Variants in SCFD2 observed in about 807,000 individuals in gnomAD.
SCFD2 encodes sec1 family domain-containing protein 2.
SCFD2 carries 54 observed loss-of-function variants against 58.9 expected under a neutral mutation model. That is an observed-to-expected ratio of 0.92 (90% CI 0.74 to 1.15). The LOEUF is 1.15. Ranked by LOEUF, SCFD2 falls within the 50% of genes most tolerant of loss-of-function variation. SCFD2 has a pLI of 0.00. For synonymous variants in SCFD2, 321 were observed against 335.9 expected (o/e 0.96, Z 0.49); for missense variants, 805 against 836.6 (o/e 0.96, Z 0.47).
At chr4:53,160,253 G>A (rs1208192885) in intron 4 of SCFD2, among the ~76,000 whole-genome samples, 6 of 152,134 alleles carry the variant, frequency 3.9e-5, no homozygotes, top group Non-Finnish European at 7.3e-5. Flanking sequence ...GCACAGAACT[G>A]GTATGATCTT....
At chr4:53,159,655 G>T (rs1020580097) in intron 4 of SCFD2, among the ~76,000 whole-genome samples, 18 of 152,176 alleles carry the variant, frequency 1.2e-4, no homozygotes, top group African/African-American at 4.3e-4. Context: ...CTCAGTCAAA[G>T]TTAAAACCTC....
intron 4 of SCFD2, among the ~76,000 whole-genome samples, chr4:53,221,845 TTTC>T (rs1729055696): frequency 2.0e-5 from 3 of 152,174 alleles, no homozygotes; most frequent in African/African-American, 7.2e-5. Flanking sequence ...GCTGGTGACA[TTTC>T]CAGTCCTTGA....
At chr4:52,986,043 T>C (rs1308949032) in intron 5 of SCFD2, among the ~76,000 whole-genome samples, 2 of 152,096 alleles carry the variant, frequency 1.3e-5, no homozygotes, top group African/African-American at 2.4e-5. Context: ...CCTGTCCCCC[T>C]GTGACGTCGC....
intron 4 of SCFD2, among the ~76,000 whole-genome samples, chr4:53,152,818 A>T (rs1262843844): frequency 6.6e-6 from 1 of 152,230 alleles, no homozygotes; most frequent in Non-Finnish European, 1.5e-5. Context: ...TTCCCATTCC[A>T]AAAAGGAGGA....
intron 5 of SCFD2, among the ~76,000 whole-genome samples, chr4:53,132,842 G>A (rs1725827364): frequency 6.6e-6 from 1 of 152,114 alleles, no homozygotes; most frequent in East Asian, 1.9e-4. Context: ...ATTTTTCAAG[G>A]AAAAGATTTT....
chr4:53,274,423 G>A (rs1386124589), intron 3 of SCFD2, among the ~76,000 whole-genome samples: 1 of 152,140 alleles, frequency 6.6e-6, no homozygotes, highest in African/African-American at 2.4e-5. Context: ...GTACCTAAAA[G>A]AAGATGAGAA....
At chr4:52,875,802 C>CTATATATATATA (rs3052566) in intron 8 of SCFD2, among the ~76,000 whole-genome samples, 8 of 61,286 alleles carry the variant, frequency 1.3e-4, no homozygotes, top group Non-Finnish European at 2.3e-4. Context: ...TTATCTTTAA[C>CTATATATATATA]TATATATATA....
At chr4:53,217,190 C>T (rs1290570858) in intron 4 of SCFD2, among the ~76,000 whole-genome samples, 5 of 152,080 alleles carry the variant, frequency 3.3e-5, no homozygotes, top group Admixed American at 1.3e-4. Context: ...AGTTCAATTC[C>T]TGGATATCCT....
At chr4:53,302,814 G>A (rs1295951148) in intron 3 of SCFD2, among the ~76,000 whole-genome samples, 1 of 152,154 alleles carries the variant, frequency 6.6e-6, no homozygotes, top group African/African-American at 2.4e-5. Flanking sequence ...ACAACTATCT[G>A]TTCTTTGACA....
At chr4:52,998,320 T>C (rs181725861) in intron 5 of SCFD2, among the ~76,000 whole-genome samples, 1 of 152,258 alleles carries the variant, frequency 6.6e-6, no homozygotes, top group Admixed American at 6.5e-5. Flanking sequence ...TCGCAGGAGA[T>C]AGAAAATACT....
At chr4:53,139,245 T>C (rs1173070471) in intron 5 of SCFD2, among the ~76,000 whole-genome samples, 8 of 152,166 alleles carry the variant, frequency 5.3e-5, no homozygotes, top group Non-Finnish European at 1.2e-4. Flanking sequence ...GCCGCCTGCC[T>C]TGGCCTCCCA....
chr4:53,329,664 T>C (rs1375260536), intron 2 of SCFD2, among the ~76,000 whole-genome samples: 1 of 152,082 alleles, frequency 6.6e-6, no homozygotes, highest in Non-Finnish European at 1.5e-5. Context: ...ACAGAAAAAG[T>C]AGAAACTCTA....
intron 5 of SCFD2, among the ~76,000 whole-genome samples, chr4:53,117,581 C>G (rs1725360627): frequency 6.6e-6 from 1 of 152,152 alleles, no homozygotes; most frequent in African/African-American, 2.4e-5. Flanking sequence ...CTCTCGCCAC[C>G]TCCTTCCCAT....
At chr4:53,216,384 T>C (rs938805009) in intron 4 of SCFD2, among the ~76,000 whole-genome samples, 16 of 152,206 alleles carry the variant, frequency 1.1e-4, no homozygotes, top group African/African-American at 3.6e-4. Flanking sequence ...GGAGGGTGTA[T>C]GTGTCCAGGA....
At chr4:53,067,025 G>A (rs1577700387) in intron 5 of SCFD2, among the ~76,000 whole-genome samples, 1 of 152,128 alleles carries the variant, frequency 6.6e-6, no homozygotes, top group East Asian at 1.9e-4. Flanking sequence ...GAGATGAAAG[G>A]CAGAGGAAAA....
At chr4:53,103,768 T>TA (rs35959095) in intron 5 of SCFD2, among the ~76,000 whole-genome samples, 9,853 of 33,976 alleles carry the variant, frequency 0.29, 2,593 homozygotes, top group African/African-American at 0.32. Flanking sequence ...AGTAAGGAAG[T>TA]AAAAAAAAAA....
intron 2 of SCFD2, among the ~76,000 whole-genome samples, chr4:53,338,902 G>T (rs1733774256): frequency 2.0e-5 from 3 of 151,960 alleles, no homozygotes; most frequent in African/African-American, 7.3e-5. Context: ...TTTTTCAAGT[G>T]CTGAAAGAGA....
chr4:53,016,135 C>T (rs997618406), intron 5 of SCFD2, among the ~76,000 whole-genome samples: 6 of 152,140 alleles, frequency 3.9e-5, no homozygotes, highest in African/African-American at 1.2e-4. Flanking sequence ...AAATATTAAC[C>T]ACCAACAACA....
intron 5 of SCFD2, among the ~76,000 whole-genome samples, chr4:53,119,249 C>A (rs1725409732): frequency 6.6e-6 from 1 of 151,438 alleles, no homozygotes; most frequent in African/African-American, 2.4e-5. Context: ...ACCCGGGAGG[C>A]AGAGGTTGCA....
Sources: gnomAD v4.1 joint callset for allele counts (sites outside exome capture counted in the v4.1 genomes callset) on GRCh38, gnomAD v4.1.1 for gene constraint, MANE v1.5 for transcripts, NCBI Gene and HGNC (gene_info 2026-07-23, HGNC 2026-07-21) for gene names.